The following CEP83 variants were observed in gnomAD, a reference collection of about 807,000 sequenced individuals.
The protein encoded by CEP83 is centrosomal protein of 83 kDa.
CEP83 carries 70 observed loss-of-function variants against 101.9 expected under a neutral mutation model. That is an observed-to-expected ratio of 0.69 (90% CI 0.57 to 0.84). The LOEUF (loss-of-function observed/expected upper bound fraction) is 0.84, where lower values mean the gene tolerates loss of function less well. Among genes scored for constraint, CEP83 ranks in the 40% least tolerant of loss-of-function variants. The probability of loss-of-function intolerance (pLI) is 0.00; values close to 1 mark genes in which losing one functional copy is unlikely to be tolerated. For missense variants in CEP83, 715 were observed against 787.2 expected, an observed-to-expected ratio of 0.91 and a Z score of 1.10; for synonymous variants, 264 against 267.9, an observed-to-expected ratio of 0.99 and a Z score of 0.14.
the CEP83 span, among the ~76,000 whole-genome samples, chr12:94,291,089 C>T: frequency 1.3e-5 from 2 of 152,216 alleles, no homozygotes; most frequent in South Asian, 2.1e-4. Context: ...GGGAGGGGCA[C>T]TGTAGGGCCA....
intron 14 of CEP83, among the ~76,000 whole-genome samples, chr12:94,325,721 A>T (rs570397218): frequency 3.2e-4 from 48 of 152,312 alleles, no homozygotes; most frequent in Admixed American, 9.8e-4. Flanking sequence ...AGTAATAGGA[A>T]TGAAAAGAAA....
Position 94,379,023 on chromosome 12 carries a change from T to A in CEP83, c.569A>T (p.Asp190Val). ...YESEIARLEE[D>V]KEELRNQLLN... ...CAGCTGGTTACGTAGTTCTTCTTTA[T>A]CTTCCTCCAGTCTTGCAATCTAATA... Residue 190 changes from aspartate to valine, a missense_variant, in exon 7 of 17, where the codon GAT becomes GTT. Transcript: ENST00000397809. 2.5e-6 allele frequency: 4 copies of A among 1,609,300 alleles called. No individual in the cohort carries two copies. Among genetic ancestry groups the A allele is most frequent in the Non-Finnish European group, 3.4e-6 (4 of 1,176,668 alleles).
At chr12:94,459,895 G>A (rs1262393693), upstream of CEP83, 2 of 152,552 alleles carry the variant, frequency 1.3e-5, no homozygotes, top group African/African-American at 4.8e-5. Context: ...GCTGACGTAT[G>A]GCCCAGAAGC....
At chr12:94,370,799 G>T (rs973648957) in intron 8 of CEP83, among the ~76,000 whole-genome samples, 1 of 152,042 alleles carries the variant, frequency 6.6e-6, no homozygotes, top group Non-Finnish European at 1.5e-5. Flanking sequence ...GACCAGCCTG[G>T]GCAACATAGT....
chr12:94,370,946 T>C (rs1566010346), intron 8 of CEP83, among the ~76,000 whole-genome samples: 1 of 152,090 alleles, frequency 6.6e-6, no homozygotes. Context: ...ATTGTGCCAA[T>C]GTATTCCAGC....
the CEP83 span, chr12:94,277,686 G>A: frequency 6.0e-6 from 2 of 333,352 alleles, no homozygotes; most frequent in Non-Finnish European, 1.2e-5. Flanking sequence ...ACTGAGCATG[G>A]AGTGGGCGTC....
At chr12:94,306,541 CAGA>C (rs772248322), downstream of CEP83, 4 of 152,202 alleles carry the variant, frequency 2.6e-5, no homozygotes, top group East Asian at 3.9e-4. Flanking sequence ...TCTATTAAAC[CAGA>C]AGAAGTAAAC....
chr12:94,305,508 T>C (rs1968914721), downstream of CEP83: 1 of 462,720 alleles, frequency 2.2e-6, no homozygotes, highest in African/African-American at 2.0e-5. Flanking sequence ...AGAGTTGAAG[T>C]GGTTGTTGCA....
chr12:94,301,232 A>G, the CEP83 span, among the ~76,000 whole-genome samples: 1 of 152,152 alleles, frequency 6.6e-6, no homozygotes, highest in East Asian at 1.9e-4. Context: ...TTTTTAATCT[A>G]ATTTTTTTAA....
At chr12:94,390,599 A>G (rs975901903) in intron 6 of CEP83, among the ~76,000 whole-genome samples, 4 of 152,222 alleles carry the variant, frequency 2.6e-5, no homozygotes, top group Non-Finnish European at 5.9e-5. Context: ...CTCGCCAGCA[A>G]TGGAATAAAG....
At chr12:94,295,232 C>G in the CEP83 span, among the ~76,000 whole-genome samples, 3 of 152,310 alleles carry the variant, frequency 2.0e-5, no homozygotes, top group African/African-American at 7.2e-5. Flanking sequence ...CTTCTGGATT[C>G]ACTATTAGAA....
At position 94,429,944 on chromosome 12, in the gene CEP83, A is replaced by C. The variant is rs116395675; in HGVS notation, c.-102+5331T>G. ...CACTGAAAGCAACTCTGCCCTCCCC[A>C]GCAGTAGGGCTGCAGCACAGACACT... On this transcript the variant is annotated intron_variant, in intron 2 of 16. Coordinates refer to ENST00000397809, the MANE Select transcript of CEP83 (RefSeq NM_016122.3). Among the ~76,000 whole-genome samples, 538 of 152,304 alleles carry C rather than the reference A, an allele frequency of 3.5e-3. 2 individuals are homozygous for C. The highest frequency in any genetic ancestry group is 0.012 in the African/African-American group (505 of 41,554).
At chr12:94,270,095 T>A in the CEP83 span, among the ~76,000 whole-genome samples, 1 of 152,256 alleles carries the variant, frequency 6.6e-6, no homozygotes, top group Non-Finnish European at 1.5e-5. Flanking sequence ...TATTTATATT[T>A]GTACCCCTCA....
the CEP83 span, among the ~76,000 whole-genome samples, chr12:94,273,593 C>T: frequency 6.6e-6 from 1 of 152,196 alleles, no homozygotes; most frequent in Non-Finnish European, 1.5e-5. Context: ...AATGCTCCGT[C>T]TGTACCTCCC....
chr12:94,452,659 T>C (rs1445348790), intron 1 of CEP83, among the ~76,000 whole-genome samples: 2 of 152,150 alleles, frequency 1.3e-5, no homozygotes, highest in African/African-American at 2.4e-5. Context: ...ATTTGTAATA[T>C]CATCCATAGA....
At chr12:94,278,041 C>T in the CEP83 span, 2 of 456,100 alleles carry the variant, frequency 4.4e-6, no homozygotes, top group East Asian at 6.9e-5. Flanking sequence ...GGGACCTCCT[C>T]TTTCGGCTTT....
At chr12:94,376,488 A>G (rs1364135758) in intron 7 of CEP83, among the ~76,000 whole-genome samples, 1 of 152,000 alleles carries the variant, frequency 6.6e-6, no homozygotes, top group South Asian at 2.1e-4. Context: ...ATGATTTCAA[A>G]ATCCTCAGCT....
At chr12:94,303,749 T>TA, downstream of CEP83, 30 of 1,344,326 alleles carry the variant, frequency 2.2e-5, no homozygotes, top group Non-Finnish European at 2.8e-5. Flanking sequence ...TTTTTTTTTT[T>TA]CCCCAGGAAG....
chr12:94,367,299 C>T (rs1268007168), intron 11 of CEP83, among the ~76,000 whole-genome samples: 1 of 152,004 alleles, frequency 6.6e-6, no homozygotes, highest in East Asian at 1.9e-4. Context: ...ACCACCTTAA[C>T]CAAGTGATCA....
Sources: allele counts gnomAD v4.1 joint callset (sites outside exome capture counted in the v4.1 genomes callset), GRCh38; gene constraint gnomAD v4.1.1; transcripts MANE v1.5; gene names NCBI Gene and HGNC (gene_info 2026-07-23, HGNC 2026-07-21).